The following NIPSNAP1 variants were observed in gnomAD, a reference collection of about 807,000 sequenced individuals.
NIPSNAP1 encodes nipsnap homolog 1.
A neutral mutation model predicts 49.2 loss-of-function variants in NIPSNAP1; 25 were observed. The observed-to-expected ratio is 0.51, with a 90% CI of 0.37 to 0.71. The LOEUF (loss-of-function observed/expected upper bound fraction) is 0.71, where lower values mean the gene tolerates loss of function less well. NIPSNAP1 is among the 30% of genes least tolerant of loss of function. The probability of loss-of-function intolerance (pLI) is 0.00; values close to 1 mark genes in which losing one functional copy is unlikely to be tolerated. For missense variants in NIPSNAP1, 294 were observed against 361.0 expected, an observed-to-expected ratio of 0.81 and a Z score of 1.50; for synonymous variants, 143 against 140.7, an observed-to-expected ratio of 1.02 and a Z score of -0.12.
At position 29,561,878 on chromosome 22, in the gene NIPSNAP1, G is replaced by C. The variant is rs1226507884; in HGVS notation, c.368-16C>G. On this transcript the variant is annotated splice_polypyrimidine_tract_variant and intron_variant, in intron 4 of 9. Transcript: ENST00000216121. ...CACAGGTGCACTGTTGGGGGTGAGA[G>C]GTATAGGTCAGTGAGCTGCTGGGAC... is the stretch of plus-strand genomic sequence containing the variant. The C allele has an allele frequency of 4.3e-6, 7 of 1,613,812 alleles. No individual in the cohort carries two copies. The highest frequency in any genetic ancestry group is 5.9e-6 in the Non-Finnish European group (7 of 1,179,818).
chr22:29,570,657 CT>C, intron 1 of NIPSNAP1, 125 bp from the exon 2 acceptor site: 1 of 1,263,386 alleles, frequency 7.9e-7, no homozygotes, highest in Non-Finnish European at 1.1e-6. Flanking sequence ...CCACGGAGTC[CT>C]GTGGCAGCTC....
intron 9 of NIPSNAP1, 82 bp from the exon 10 acceptor site, chr22:29,556,081 C>T: frequency 3.2e-6 from 4 of 1,244,350 alleles, no homozygotes; most frequent in Non-Finnish European, 4.6e-6. Flanking sequence ...ACATGCTGGC[C>T]TTTGAGTGGG....
chr22:29,569,743 C>G, intron 3 of NIPSNAP1: 2 of 333,214 alleles, frequency 6.0e-6, no homozygotes, highest in Non-Finnish European at 1.2e-5. Flanking sequence ...GTAATCCCAG[C>G]ACTCGGAGGC....
chr22:29,571,455 G>A (rs991871770), intron 1 of NIPSNAP1, among the ~76,000 whole-genome samples: 1 of 152,222 alleles, frequency 6.6e-6, no homozygotes, highest in African/African-American at 2.4e-5. Flanking sequence ...CTTTGCCCAT[G>A]AGCACTGTGG....
Position 29,555,798 on chromosome 22 carries a change from C to G in NIPSNAP1, c.*137G>C, listed in dbSNP as rs771294020. On this transcript the variant is annotated 3_prime_UTR_variant, in exon 10 of 10. Coordinates refer to ENST00000216121, the MANE Select transcript of NIPSNAP1 (RefSeq NM_003634.4). ...CTCAGAACTTGTCAGCCTTCAGTTC[C>G]CCCTTGTCTGAACTGAGCACTGCCC... The G allele has an allele frequency of 3.5e-5, 27 of 782,210 alleles. No individual in the cohort carries two copies. The highest frequency in any genetic ancestry group is 5.8e-5 in the Non-Finnish European group (26 of 447,822). 48.5% of individuals were successfully genotyped at this position (782,210 alleles called of 1,614,324 possible). A position where few individuals can be genotyped will look rare whatever the true frequency, so the allele number is the denominator to read the frequency against.
intron 6 of NIPSNAP1, 59 bp from the exon 7 acceptor site, chr22:29,561,261 C>T: frequency 1.9e-6 from 3 of 1,599,556 alleles, no homozygotes; most frequent in African/African-American, 2.7e-5. Context: ...CATAGCATCA[C>T]AGCTTGGCAA....
intron 1 of NIPSNAP1, chr22:29,580,007 C>G: frequency 1.8e-6 from 2 of 1,103,310 alleles, no homozygotes; most frequent in South Asian, 2.6e-5. Context: ...CAGGCACTAT[C>G]AGAACTTTGC....
At chr22:29,563,388 G>A (rs1451878300) in intron 4 of NIPSNAP1, among the ~76,000 whole-genome samples, 5 of 151,942 alleles carry the variant, frequency 3.3e-5, no homozygotes, top group Admixed American at 1.3e-4. Flanking sequence ...TTAGCTGGGC[G>A]TGGTGATGCA....
At chr22:29,564,438 C>T in intron 4 of NIPSNAP1, 1 of 469,484 alleles carries the variant, frequency 2.1e-6, no homozygotes, top group Non-Finnish European at 4.4e-6. Context: ...AAGGAATTTT[C>T]TTTATTTTTC....
At chr22:29,570,264 T>C (rs1255578354) in intron 2 of NIPSNAP1, 57 bp from the exon 3 acceptor site, 2 of 1,606,012 alleles carry the variant, frequency 1.2e-6, no homozygotes, top group Non-Finnish European at 1.7e-6. Flanking sequence ...AGGGAAGAAC[T>C]TGGGGTGAGG....
intron 2 of NIPSNAP1, 63 bp downstream of exon 2, chr22:29,570,342 G>A: frequency 1.2e-6 from 2 of 1,613,170 alleles, no homozygotes; most frequent in South Asian, 2.2e-5. Context: ...CTCCTTCCTG[G>A]AGCCTCACAG....
At chr22:29,557,782 C>T (rs1601486261) in intron 9 of NIPSNAP1, among the ~76,000 whole-genome samples, 1 of 152,176 alleles carries the variant, frequency 6.6e-6, no homozygotes, top group Non-Finnish European at 1.5e-5. Context: ...CAGACACATT[C>T]TCCCTCATAC....
At chr22:29,561,424 A>G (rs2146603489) in intron 6 of NIPSNAP1, 82 bp downstream of exon 6, 2 of 1,591,966 alleles carry the variant, frequency 1.3e-6, no homozygotes, top group Non-Finnish European at 8.6e-7. Context: ...CAGAAGCCCC[A>G]GTCTAGGTGT....
At position 29,574,285 on chromosome 22, in the gene NIPSNAP1, A is replaced by AG. The variant is rs1569249213; in HGVS notation, c.99-3754_99-3753insC. Among the ~76,000 whole-genome samples, 526 of 148,456 alleles carry AG rather than the reference A, an allele frequency of 3.5e-3. 16 individuals are homozygous for AG. Among genetic ancestry groups the AG allele is most frequent in the African/African-American group, 0.012 (487 of 39,694 alleles). On this transcript the variant is annotated intron_variant, in intron 1 of 9. Coordinates refer to ENST00000216121, the MANE Select transcript of NIPSNAP1 (RefSeq NM_003634.4). The stretch of plus-strand genomic sequence containing the variant: ...ACAAAAAAAAAAAAAAAAAAAAAAA[A>AG]AAAAAAAGAAAGAAAAAGAAAAGAA...
rs752782830 is a variant in NIPSNAP1, at chr22:29,560,789, T to A, written c.651A>T (p.Ala217=). Residue 217 remains alanine (A), a synonymous_variant, in exon 8 of 10, where the codon GCA becomes GCT. Transcript: ENST00000216121. ...CTATCTGTGAGAAGAAGCCGCCCAC[T>A]GCCTCCTGGTTCTCCTGCCGGTACT... ...AIKYRQENQE[A]VGGFFSQIGE... The A allele has an allele frequency of 3.1e-6, 5 of 1,614,150 alleles. No homozygotes were observed. Among genetic ancestry groups the A allele is most frequent in the Non-Finnish European group, 4.2e-6 (5 of 1,180,038 alleles).
intron 5 of NIPSNAP1, 64 bp from the exon 6 acceptor site, chr22:29,561,710 A>G: frequency 6.2e-7 from 1 of 1,613,892 alleles, no homozygotes. Flanking sequence ...AGTGTGCCTC[A>G]TGGGGTAGCA....
In NIPSNAP1 at chr22:29,569,067, A is replaced by G. The variant is rs1457062651; in HGVS notation, c.367+126T>C. On this transcript the variant is annotated intron_variant, in intron 4 of 9. Coordinates refer to ENST00000216121, the MANE Select transcript of NIPSNAP1 (RefSeq NM_003634.4). Reference sequence around the variant, plus strand: ...GGTATTTGAGCAGGGGAGTGAGGTGATGAGGTTTTAGTAAGAGCCCCACCA... The same window carrying G: ...GGTATTTGAGCAGGGGAGTGAGGTGGTGAGGTTTTAGTAAGAGCCCCACCA... 9.4e-6 allele frequency: 7 copies of G among 747,192 alleles called. No homozygotes were observed. In the Admixed American group the frequency reaches 1.2e-4, roughly 13 times the overall value. 46.3% of individuals were successfully genotyped at this position (747,192 alleles called of 1,614,324 possible). A position where few individuals can be genotyped will look rare whatever the true frequency, so the allele number is the denominator to read the frequency against.
chr22:29,564,530 A>G (rs1037731791), intron 4 of NIPSNAP1, among the ~76,000 whole-genome samples: 2 of 152,100 alleles, frequency 1.3e-5, no homozygotes, highest in African/African-American at 2.4e-5. Flanking sequence ...TGTCCTGCCT[A>G]TGCCTCCCAA....
At chr22:29,571,056 C>T (rs959752694) in intron 1 of NIPSNAP1, among the ~76,000 whole-genome samples, 1 of 152,140 alleles carries the variant, frequency 6.6e-6, no homozygotes, top group Non-Finnish European at 1.5e-5. Context: ...AACGAGAAGA[C>T]TGCTCTCACC....
Sources: gnomAD v4.1 joint callset for allele counts (sites outside exome capture counted in the v4.1 genomes callset) on GRCh38, gnomAD v4.1.1 for gene constraint, MANE v1.5 for transcripts, NCBI Gene and HGNC (gene_info 2026-07-23, HGNC 2026-07-21) for gene names.